DNAH5: variants seen among roughly 807,000 people sequenced by gnomAD.
DNAH5 encodes the protein axonemal beta dynein heavy chain 5.
In DNAH5, 372 loss-of-function variants were observed where a neutral mutation model predicts 518.2. That is an observed-to-expected ratio of 0.72 (90% confidence interval 0.66 to 0.78). DNAH5 has a LOEUF of 0.78. Ranked by LOEUF, DNAH5 falls within the 30% of genes least tolerant of loss-of-function variation. The pLI, the probability that DNAH5 is intolerant of heterozygous loss-of-function variation, is 0.00. For synonymous variants in DNAH5, 2,039 were observed against 2,025.9 expected (o/e 1.01, Z -0.17); for missense variants, 5,523 against 5,687.0 (o/e 0.97, Z 0.93).
At chr5:13,807,972 G>A (rs1759904771) in intron 46 of DNAH5, among the ~76,000 whole-genome samples, 1 of 152,062 alleles carries the variant, frequency 6.6e-6, no homozygotes, top group South Asian at 2.1e-4. Context: ...GCTCACACCT[G>A]TAATCCCAGC....
chr5:14,003,881 C>T (rs1277573043), intron 1 of DNAH5, among the ~76,000 whole-genome samples: 1 of 151,810 alleles, frequency 6.6e-6, no homozygotes, highest in Non-Finnish European at 1.5e-5. Flanking sequence ...TCTGAGATTA[C>T]ACAAAGAGAG....
intron 1 of DNAH5, among the ~76,000 whole-genome samples, chr5:13,994,799 T>C (rs1783817361): frequency 6.6e-6 from 1 of 152,214 alleles, no homozygotes; most frequent in African/African-American, 2.4e-5. Context: ...ATTTGTCTAC[T>C]GCCATTACCG....
chr5:13,923,469 C>A (rs1777522512), intron 3 of DNAH5, 29 bp from the exon 4 acceptor site: 1 of 1,613,302 alleles, frequency 6.2e-7, no homozygotes, highest in South Asian at 1.1e-5. Context: ...TTTAGTTTCA[C>A]AAATGCTTTT....
intron 30 of DNAH5, among the ~76,000 whole-genome samples, chr5:13,854,043 A>C (rs1216594918): frequency 6.6e-6 from 1 of 152,208 alleles, no homozygotes; most frequent in Non-Finnish European, 1.5e-5. Context: ...ATTCTCCTCA[A>C]GAAGAGCAAC....
chr5:13,879,518 G>A (rs1418433780), intron 21 of DNAH5, among the ~76,000 whole-genome samples: 1 of 152,004 alleles, frequency 6.6e-6, no homozygotes, highest in Admixed American at 6.6e-5. Context: ...ACCATTGTAA[G>A]TCAGGGACCA....
Position 13,789,192 on chromosome 5 carries a change from C to G in DNAH5, c.8449-278G>C, listed in dbSNP as rs563198915. Among the ~76,000 whole-genome samples, 5 of 152,214 alleles carry G rather than the reference C, an allele frequency of 3.3e-5. No homozygotes were observed. In the South Asian group the frequency reaches 6.2e-4, roughly 19 times the overall value. On this transcript the variant is annotated intron_variant, in intron 50 of 78. Transcript: ENST00000265104. ...GACCAATCAACAAACTAATATTCTA[C>G]GTAAAAGTCTTCAGTTTGTAATAAA...
chr5:13,756,825 C>T (rs7702845), intron 61 of DNAH5, among the ~76,000 whole-genome samples: 86,973 of 151,916 alleles, frequency 0.57, 25,427 homozygotes, highest in African/African-American at 0.68. Context: ...TAGTACTTGT[C>T]AGTTATTTTT....
intron 30 of DNAH5, 102 bp from the exon 31 acceptor site, chr5:13,850,917 TC>T: frequency 8.6e-7 from 1 of 1,167,070 alleles, no homozygotes. Flanking sequence ...CTTTAACCAG[TC>T]CAGATATCCA....
In DNAH5 at chr5:13,777,195, C is replaced by T; in HGVS notation, c.9105+7G>A. ...ATAAAACACATAAAGAATAAATGAG[C>T]TCCTACCTCACCTGATGATAAAACA... On this transcript the variant is annotated splice_region_variant and intron_variant, in intron 54 of 78. Transcript: ENST00000265104. 1.9e-6 allele frequency: 3 copies of T among 1,611,222 alleles called. 1 individual carries two copies. Among genetic ancestry groups the T allele is most frequent in the South Asian group, 2.2e-5 (2 of 90,970 alleles).
At position 13,700,686 on chromosome 5, in the gene DNAH5, C is replaced by T. The variant is rs1283108923; in HGVS notation, c.13677G>A (p.Val4559=). 1.1e-5 allele frequency: 17 copies of T among 1,614,040 alleles called. No homozygotes were observed. Among genetic ancestry groups the T allele is most frequent in the Non-Finnish European group, 1.4e-5 (17 of 1,180,016 alleles). The change falls in exon 78 of 79, where the codon GTG becomes GTA. Residue 4559 remains valine (V), a synonymous_variant. Transcript: ENST00000265104. ...TTATGACAGGCATCAACTCAAAGAG[C>T]ACTTTTGGCTTTGATTCAATGAGTT... ...NMKLIESKPK[V]LFELMPVIRI...
chr5:14,010,912 G>A (rs1785070191), intron 1 of DNAH5, among the ~76,000 whole-genome samples: 1 of 150,952 alleles, frequency 6.6e-6, no homozygotes, highest in Non-Finnish European at 1.5e-5. Flanking sequence ...TGTACCTGAT[G>A]AAAATATATA....
rs1754234046 is a variant in DNAH5 at position 13,777,267 on chromosome 5, T to C, written c.9040A>G (p.Thr3014Ala). The change falls in exon 54 of 79, where the codon ACA becomes GCA. Residue 3014 changes from threonine to alanine, a missense_variant. Physicochemically the swap from Thr to Ala is moderately conservative, Grantham distance 58. Around this residue, in one of 3 missense-constraint regions of DNAH5, gnomAD observed 5,121 missense variants for 5,223.3 expected, o/e 0.98. Coordinates refer to ENST00000265104, the MANE Select transcript of DNAH5 (RefSeq NM_001369.3). Reference protein sequence around the residue: ...QQGKGITFIFTDNEIKDESFL... With the variant: ...QQGKGITFIFADNEIKDESFL... ...GACTCATCTTTAATCTCATTGTCTG[T>C]GAAAATAAAAGTGATTCCTTTGCCT... The C allele has an allele frequency of 6.2e-7, 1 of 1,613,292 alleles. No individual in the cohort carries two copies. The highest frequency in any genetic ancestry group is 8.5e-7 in the Non-Finnish European group (1 of 1,179,504).
intron 15 of DNAH5, 73 bp from the exon 16 acceptor site, chr5:13,894,894 A>G: frequency 6.5e-7 from 1 of 1,531,020 alleles, no homozygotes; most frequent in Non-Finnish European, 9.0e-7. Context: ...CATGTCTTAT[A>G]CAAAATGACT....
At position 13,792,003 on chromosome 5, in the gene DNAH5, C is replaced by T. The variant is rs1757072598; in HGVS notation, c.8439G>A (p.Lys2813=). ...CTTCAGTGTCACTTACATTTGGTTC[C>T]TTGATGACCTCTGAAGTAGTGTTCA... The part of the protein sequence containing the change: ...GMLNTTSEVI[K]EPNDLLKLWK... Residue 2813 remains lysine, a synonymous_variant, in exon 50 of 79, where the codon AAG becomes AAA. Coordinates refer to ENST00000265104, the MANE Select transcript of DNAH5 (RefSeq NM_001369.3). 3.1e-6 allele frequency: 5 copies of T among 1,613,442 alleles called. No individual in the cohort carries two copies. The highest frequency in any genetic ancestry group is 4.2e-6 in the Non-Finnish European group (5 of 1,179,598).
intron 74 of DNAH5, among the ~76,000 whole-genome samples, chr5:13,715,918 A>G (rs1334853589): frequency 6.6e-6 from 1 of 152,232 alleles, no homozygotes; most frequent in Non-Finnish European, 1.5e-5. Flanking sequence ...GCTCAACAGC[A>G]CAGGCCAGCC....
chr5:13,795,813 C>T lies in DNAH5; in HGVS notation c.7888-1755G>A, dbSNP rs149758519. On this transcript the variant is annotated intron_variant, in intron 47 of 78. Transcript: ENST00000265104. ...GCGAAAATCCTCAATAAAATACTGG[C>T]AAACTGAATCCAGCAGCACATCAAA... is the stretch of plus-strand genomic sequence containing the variant. Among the ~76,000 whole-genome samples, 1,227 of 152,282 alleles carry T rather than the reference C, an allele frequency of 8.1e-3. 15 individuals carry two copies. Among genetic ancestry groups the T allele is most frequent in the African/African-American group, 0.028 (1,174 of 41,548 alleles).
In DNAH5 at chr5:13,707,618, CCT is replaced by C. The variant is rs1238856403; in HGVS notation, c.13338+503_13338+504del. ...AGGGCACAGAAAACCCAGCCACACC[CCT>C]GTCACACGCCCTGTGAGGGGGATAA... On this transcript the variant is annotated intron_variant, in intron 76 of 78. Coordinates refer to ENST00000265104, the MANE Select transcript of DNAH5 (RefSeq NM_001369.3). The surrounding 1 kb of genome is among the most constrained non-coding windows in gnomAD (Gnocchi z 4.0). Among the ~76,000 whole-genome samples the C allele has an allele frequency of 2.0e-5, 3 of 152,212 alleles. No homozygotes were observed. The highest frequency in any genetic ancestry group is 3.9e-4 in the East Asian group (2 of 5,186).
chr5:13,772,715 C>T (rs767067842), intron 55 of DNAH5, among the ~76,000 whole-genome samples: 2 of 152,162 alleles, frequency 1.3e-5, no homozygotes, highest in Non-Finnish European at 2.9e-5. Flanking sequence ...AAAATTACTA[C>T]AAAATCCAGT....
intron 65 of DNAH5, among the ~76,000 whole-genome samples, chr5:13,741,181 A>G (rs1748473734): frequency 6.6e-6 from 1 of 152,212 alleles, no homozygotes; most frequent in South Asian, 2.1e-4. Context: ...ACAAAACTGC[A>G]TGAAGGCAAA....
Sources: gnomAD v4.1 joint callset for allele counts (sites outside exome capture counted in the v4.1 genomes callset) on GRCh38, gnomAD v4.1.1 for gene constraint, gnomAD v4.1.1 regional missense constraint, Gnocchi (gnomAD v3.1) non-coding constraint, MANE v1.5 for transcripts, NCBI Gene and HGNC (gene_info 2026-07-23, HGNC 2026-07-21) for gene names.